Variants in FIP1L1 observed in about 807,000 individuals in gnomAD.
FIP1L1 encodes the protein pre-mRNA 3'-end-processing factor FIP1.
Under a neutral mutation model 84.6 loss-of-function variants are expected in FIP1L1, and 21 were observed. The ratio of observed to expected loss-of-function variants is 0.25; its 90% confidence interval spans 0.18 to 0.36. The LOEUF (loss-of-function observed/expected upper bound fraction) is 0.36, where lower values mean the gene tolerates loss of function less well. FIP1L1 is among the 10% of genes least tolerant of loss of function. FIP1L1 has a pLI of 1.00. For synonymous variants in FIP1L1, 263 were observed against 242.3 expected (o/e 1.09, Z -0.80); for missense variants, 526 against 751.1 (o/e 0.70, Z 3.50).
chr4:53,431,963 A>G (rs1399471475), intron 13 of FIP1L1, among the ~76,000 whole-genome samples: 2 of 152,222 alleles, frequency 1.3e-5, no homozygotes, highest in Admixed American at 1.3e-4. Context: ...CAGAGAGGAC[A>G]AAGTATTTCT....
chr4:53,431,436 A>G (rs564710270), intron 13 of FIP1L1, among the ~76,000 whole-genome samples: 1 of 152,334 alleles, frequency 6.6e-6, no homozygotes, highest in East Asian at 1.9e-4. Flanking sequence ...TGCTTTCTTC[A>G]AAAATAATCA....
intron 5 of FIP1L1, among the ~76,000 whole-genome samples, chr4:53,388,735 T>C (rs1742535655): frequency 2.0e-5 from 3 of 152,358 alleles, no homozygotes; most frequent in Admixed American, 1.3e-4. Flanking sequence ...TTTTAATTAG[T>C]ATATTTGATA....
intron 11 of FIP1L1, among the ~76,000 whole-genome samples, chr4:53,425,579 A>G (rs960379459): frequency 6.6e-6 from 1 of 152,100 alleles, no homozygotes; most frequent in Non-Finnish European, 1.5e-5. Context: ...ACAAAGATAA[A>G]TTTATTTGGA....
intron 13 of FIP1L1, among the ~76,000 whole-genome samples, chr4:53,430,341 C>CTTTTTTTTTT (rs376793476): frequency 2.6e-5 from 2 of 75,806 alleles, no homozygotes; most frequent in African/African-American, 5.5e-5. Context: ...GATAAAATTA[C>CTTTTTTTTTT]TTTTTTTTTT....
At chr4:53,431,560 T>C (rs1354281350) in intron 13 of FIP1L1, among the ~76,000 whole-genome samples, 2 of 152,218 alleles carry the variant, frequency 1.3e-5, no homozygotes, top group Non-Finnish European at 2.9e-5. Context: ...TATGATGAGA[T>C]AAGTATAGTA....
chr4:53,417,738 A>AACACACACACACACACACACACACAC (rs371194870), intron 11 of FIP1L1, among the ~76,000 whole-genome samples: 4 of 70,398 alleles, frequency 5.7e-5, no homozygotes, highest in African/African-American at 3.0e-4. Context: ...TCTCTTTTTA[A>AACACACACACACACACACACACACAC]ACACACACAC....
chr4:53,422,301 AT>A (rs1323124396), intron 11 of FIP1L1, among the ~76,000 whole-genome samples: 1 of 151,948 alleles, frequency 6.6e-6, no homozygotes, highest in Non-Finnish European at 1.5e-5. Flanking sequence ...TTTTTTAAGT[AT>A]TGTTTCATGA....
At position 53,450,050 on chromosome 4, in the gene FIP1L1, A is replaced by G. The variant is rs367743397; in HGVS notation, c.1286-2870A>G. Among the ~76,000 whole-genome samples the G allele has an allele frequency of 4.7e-4, 72 of 151,962 alleles. 3 individuals carry two copies. The South Asian group carries it at 0.015, about 31-fold the overall frequency. ...CCAACTTTCAGTTTTTTTCCATTATATGGTAGTTTTCTATGTACTTGATTT... is the reference window on the plus strand; with the variant it reads ...CCAACTTTCAGTTTTTTTCCATTATGTGGTAGTTTTCTATGTACTTGATTT... On this transcript the variant is annotated intron_variant, in intron 15 of 17. Coordinates refer to ENST00000337488, the MANE Select transcript of FIP1L1 (RefSeq NM_030917.4).
chr4:53,378,739 A>G (rs1020232927), intron 1 of FIP1L1: 1 of 259,274 alleles, frequency 3.9e-6, no homozygotes, highest in African/African-American at 2.3e-5. Flanking sequence ...TTAACACCAG[A>G]TTTGAAAGTT....
intron 5 of FIP1L1, among the ~76,000 whole-genome samples, chr4:53,387,028 C>G (rs1741470179): frequency 2.6e-5 from 4 of 152,182 alleles, no homozygotes; most frequent in Non-Finnish European, 4.4e-5. Flanking sequence ...AAAGATAACT[C>G]TAGCATCAGT....
At chr4:53,394,726 ATAAT>A (rs1480674328) in intron 9 of FIP1L1, among the ~76,000 whole-genome samples, 15 of 149,902 alleles carry the variant, frequency 1.0e-4, no homozygotes, top group South Asian at 2.2e-4. Context: ...CAAAATTGTG[ATAAT>A]TTATTTATGG....
Position 53,431,627 on chromosome 4 carries a change from TGTTTTCAAA to T in FIP1L1, c.1174+3445_1174+3453del, listed in dbSNP as rs1560557916. 7.9e-5 allele frequency among the ~76,000 whole-genome samples: 12 copies of T among 152,134 alleles called. No homozygotes were observed. The South Asian group carries it at 1.7e-3, about 21-fold the overall frequency. ...ACTAGATTTTTGTTTTGTTTTGTTT[TGTTTTCAAA>T]TAAATAGGGTGACCATACATCCAGA... On this transcript the variant is annotated intron_variant, in intron 13 of 17. Coordinates refer to ENST00000337488, the MANE Select transcript of FIP1L1 (RefSeq NM_030917.4).
chr4:53,407,675 T>G (rs546893279), intron 10 of FIP1L1, among the ~76,000 whole-genome samples: 1 of 152,026 alleles, frequency 6.6e-6, no homozygotes, highest in South Asian at 2.1e-4. Context: ...AGGACTTGCT[T>G]TATGATTCTG....
intron 13 of FIP1L1, among the ~76,000 whole-genome samples, chr4:53,432,131 C>T (rs1766968488): frequency 1.3e-5 from 2 of 152,078 alleles, no homozygotes; most frequent in South Asian, 2.1e-4. Context: ...CATGGTGGCT[C>T]ATACCTGTAA....
intron 10 of FIP1L1, among the ~76,000 whole-genome samples, chr4:53,404,437 G>T (rs1184360379): frequency 6.6e-6 from 1 of 152,008 alleles, no homozygotes; most frequent in African/African-American, 2.4e-5. Flanking sequence ...TTGGTTCCAA[G>T]TCTTTGCTAT....
chr4:53,424,725 C>T (rs1475400487), intron 11 of FIP1L1, among the ~76,000 whole-genome samples: 1 of 152,012 alleles, frequency 6.6e-6, no homozygotes, highest in Non-Finnish European at 1.5e-5. Context: ...TCATGATTTC[C>T]AGAAAAGCCT....
chr4:53,406,038 A>G (rs1030412428), intron 10 of FIP1L1, among the ~76,000 whole-genome samples: 8 of 151,548 alleles, frequency 5.3e-5, no homozygotes, highest in Admixed American at 4.6e-4. Context: ...AGAACTTCCA[A>G]CACTATGTTG....
At chr4:53,431,427 G>A (rs545313872) in intron 13 of FIP1L1, among the ~76,000 whole-genome samples, 7 of 151,890 alleles carry the variant, frequency 4.6e-5, no homozygotes, top group African/African-American at 1.7e-4. Flanking sequence ...CTTGTTTTTT[G>A]CTTTCTTCAA....
intron 13 of FIP1L1, among the ~76,000 whole-genome samples, chr4:53,436,648 C>T (rs1367889644): frequency 6.6e-6 from 1 of 151,970 alleles, no homozygotes; most frequent in Non-Finnish European, 1.5e-5. Context: ...GCTATTTTGC[C>T]TTAGTTATAT....
Sources: allele counts gnomAD v4.1 joint callset (sites outside exome capture counted in the v4.1 genomes callset), GRCh38; gene constraint gnomAD v4.1.1; transcripts MANE v1.5; gene names NCBI Gene and HGNC (gene_info 2026-07-23, HGNC 2026-07-21).